Variants in PLPPR5 observed in about 807,000 individuals in gnomAD.
PLPPR5 encodes phospholipid phosphatase related 5, also known as phospholipid phosphatase-related protein type 5.
Under a neutral mutation model 33.9 loss-of-function variants are expected in PLPPR5, and 16 were observed. The ratio of observed to expected loss-of-function variants is 0.47; its 90% CI spans 0.32 to 0.72. PLPPR5 has a LOEUF of 0.72. Ranked by LOEUF, PLPPR5 falls within the 30% of genes least tolerant of loss-of-function variation. The pLI is 0.03. For missense variants in PLPPR5, 301 were observed against 406.7 expected (o/e 0.74, Z 2.23); for synonymous variants, 163 against 150.3 (o/e 1.08, Z -0.62).
chr1:99,005,771 C>G (rs369079124), upstream of PLPPR5, among the ~76,000 whole-genome samples: 312 of 152,302 alleles, frequency 2.0e-3, 5 homozygotes, highest in South Asian at 0.013. Flanking sequence ...AATGCTGGCT[C>G]ACAGCACATG....
In PLPPR5 at chr1:98,902,805, T is replaced by A. The variant is rs550512631; in HGVS notation, c.934-9701A>T. ...CCTTAACTAATGACTGAATGAATCA[T>A]ATAATTTAAAGATACAGTCATCAAT... On this transcript the variant is annotated intron_variant, in intron 5 of 5. Transcript: ENST00000263177. 5.9e-5 allele frequency among the ~76,000 whole-genome samples: 9 copies of A among 152,266 alleles called. No individual in the cohort carries two copies. The East Asian group carries it at 1.7e-3, about 29-fold the overall frequency.
In PLPPR5 at chr1:98,890,648, T is replaced by C. The variant is rs1209464761; in HGVS notation, c.*2424A>G. 1 of 152,594 alleles carries C rather than the reference T, an allele frequency of 6.6e-6. No homozygotes were observed. The highest frequency in any genetic ancestry group is 1.5e-5 in the Non-Finnish European group (1 of 68,006). The allele number at this position is 152,594 out of a possible 1,614,324, so 9.5% of individuals were successfully genotyped here. On this transcript the variant is annotated 3_prime_UTR_variant, in exon 6 of 6. Coordinates refer to ENST00000263177, the MANE Select transcript of PLPPR5 (RefSeq NM_001037317.2). ...GCTTTTACTAGACTACATATGTACA[T>C]ATTTACATGGTAATATTTTCTGAAA... is the stretch of plus-strand genomic sequence containing the variant.
chr1:98,908,151 C>T (rs1272795001), intron 5 of PLPPR5, among the ~76,000 whole-genome samples: 2 of 152,170 alleles, frequency 1.3e-5, no homozygotes, highest in Admixed American at 6.5e-5. Flanking sequence ...GAGATTGCTC[C>T]TAGCTGCCAT....
At chr1:98,911,699 C>T (rs377315299) in intron 5 of PLPPR5, among the ~76,000 whole-genome samples, 21 of 152,078 alleles carry the variant, frequency 1.4e-4, no homozygotes, top group African/African-American at 4.3e-4. Context: ...GTAATAGTTA[C>T]CCTGACCATA....
At chr1:98,988,690 C>A (rs1652345064) in intron 1 of PLPPR5, among the ~76,000 whole-genome samples, 1 of 152,096 alleles carries the variant, frequency 6.6e-6, no homozygotes, top group Admixed American at 6.6e-5. Context: ...TAAATTAGGA[C>A]AAGAAGTTGA....
Position 98,907,960 on chromosome 1 carries a change from G to T in PLPPR5, c.933+6826C>A, listed in dbSNP as rs60339429. 4.6e-5 allele frequency among the ~76,000 whole-genome samples: 7 copies of T among 152,282 alleles called. 1 individual carries two copies. In the South Asian group the frequency reaches 1.5e-3, roughly 32 times the overall value. ...CATCCAGGTGTGGGGTACCTATCCA[G>T]TTCACAAAAGGTTTCCTTCATCTGG... On this transcript the variant is annotated intron_variant, in intron 5 of 5. Transcript: ENST00000263177.
rs1648264064 is a variant in PLPPR5 at position 98,891,272 on chromosome 1, T to C, written c.*1800A>G. 6.6e-6 allele frequency: 1 copy of C among 152,124 alleles called. No homozygotes were observed. Among genetic ancestry groups the C allele is most frequent in the South Asian group, 2.1e-4 (1 of 4,832 alleles). 9.4% of individuals were successfully genotyped at this position (152,124 alleles called of 1,614,324 possible). On this transcript the variant is annotated 3_prime_UTR_variant, in exon 6 of 6. Transcript: ENST00000263177. ...AGAAGTGTTTTAGCTTCCACAGTGA[T>C]AGAAATGGGCAAATAACATCTATTT...
chr1:98,892,976 A>G lies in PLPPR5; in HGVS notation c.*96T>C. The G allele has an allele frequency of 8.4e-7, 1 of 1,197,588 alleles. No homozygotes were observed. The highest frequency in any genetic ancestry group is 1.2e-6 in the Non-Finnish European group (1 of 825,818). The allele number at this position is 1,197,588 out of a possible 1,614,324, so 74.2% of individuals were successfully genotyped here. ...ATTATAAAAATTATTAAACAACTTTATAAACTTCACTTGCAATCAAACAAA... is the reference window on the plus strand; with the variant it reads ...ATTATAAAAATTATTAAACAACTTTGTAAACTTCACTTGCAATCAAACAAA... On this transcript the variant is annotated 3_prime_UTR_variant, in exon 6 of 6. Coordinates refer to ENST00000263177, the MANE Select transcript of PLPPR5 (RefSeq NM_001037317.2).
Position 98,934,247 on chromosome 1 carries a change from G to A in PLPPR5, c.622-12189C>T, listed in dbSNP as rs145487656. Among the ~76,000 whole-genome samples, 641 of 152,272 alleles carry A rather than the reference G, an allele frequency of 4.2e-3. 1 individual carries two copies. Among genetic ancestry groups the A allele is most frequent in the Non-Finnish European group, 7.1e-3 (481 of 68,010 alleles). On this transcript the variant is annotated intron_variant, in intron 3 of 5. Coordinates refer to ENST00000263177, the MANE Select transcript of PLPPR5 (RefSeq NM_001037317.2). Reference sequence around the variant, plus strand: ...ATAGGACATATAGTGAGGGAGCAGAGCAGGCATGTGCTTGCTGATAGGTAG... The same window carrying A: ...ATAGGACATATAGTGAGGGAGCAGAACAGGCATGTGCTTGCTGATAGGTAG...
At chr1:98,927,371 C>T (rs1188005906) in intron 3 of PLPPR5, among the ~76,000 whole-genome samples, 1 of 152,226 alleles carries the variant, frequency 6.6e-6, no homozygotes, top group Non-Finnish European at 1.5e-5. Context: ...CCTTCACTGG[C>T]CTCCACTGCC....
At chr1:99,000,875 T>C (rs139454194) in intron 1 of PLPPR5, among the ~76,000 whole-genome samples, 1 of 152,294 alleles carries the variant, frequency 6.6e-6, no homozygotes, top group Non-Finnish European at 1.5e-5. Context: ...ACTTCTGAAG[T>C]TGCCTTTATA....
chr1:98,938,890 C>G (rs1386919111), intron 3 of PLPPR5, among the ~76,000 whole-genome samples: 2 of 152,084 alleles, frequency 1.3e-5, no homozygotes, highest in African/African-American at 4.8e-5. Context: ...AAACCAAAAC[C>G]AAATACCACA....
At chr1:98,925,453 A>T (rs2101167323) in intron 3 of PLPPR5, among the ~76,000 whole-genome samples, 1 of 152,326 alleles carries the variant, frequency 6.6e-6, no homozygotes, top group South Asian at 2.1e-4. Context: ...CCCTGTTAAG[A>T]GCCTGGTGTA....
chr1:98,941,394 G>A (rs560303073), intron 3 of PLPPR5, among the ~76,000 whole-genome samples: 1 of 151,914 alleles, frequency 6.6e-6, no homozygotes, highest in East Asian at 1.9e-4. Flanking sequence ...AGGAGAGTGA[G>A]TGTGCATATG....
chr1:98,955,842 T>A (rs1288938037), intron 2 of PLPPR5, among the ~76,000 whole-genome samples: 1 of 152,142 alleles, frequency 6.6e-6, no homozygotes, highest in Non-Finnish European at 1.5e-5. Context: ...CATATACACT[T>A]ATTTTTATCT....
At chr1:98,937,238 T>C (rs1400070690) in intron 3 of PLPPR5, among the ~76,000 whole-genome samples, 2 of 152,174 alleles carry the variant, frequency 1.3e-5, no homozygotes, top group Non-Finnish European at 2.9e-5. Context: ...TTCTAAGCAG[T>C]GTCAGTGATA....
At chr1:98,952,974 T>G in intron 3 of PLPPR5, 96 bp downstream of exon 3, 10 of 1,432,818 alleles carry the variant, frequency 7.0e-6, no homozygotes, top group Non-Finnish European at 9.5e-6. Context: ...GAATGTGCTT[T>G]AAGTGACTTT....
At chr1:98,957,063 AT>A (rs1350857196) in intron 1 of PLPPR5, among the ~76,000 whole-genome samples, 1 of 151,824 alleles carries the variant, frequency 6.6e-6, no homozygotes, top group African/African-American at 2.4e-5. Flanking sequence ...GGAAATCATC[AT>A]TCTCAGTAAA....
chr1:98,891,103 A>G lies in PLPPR5; in HGVS notation c.*1969T>C, dbSNP rs1053400498. 1 of 152,108 alleles carries G rather than the reference A, an allele frequency of 6.6e-6. No homozygotes were observed. Among genetic ancestry groups the G allele is most frequent in the African/African-American group, 2.4e-5 (1 of 41,424 alleles). The allele number at this position is 152,108 out of a possible 1,614,324, so 9.4% of individuals were successfully genotyped here. A position where few individuals can be genotyped will look rare whatever the true frequency, so the allele number is the denominator to read the frequency against. The stretch of plus-strand genomic sequence containing the variant: ...TTCATTCTCAATAAGTGAATTCCCT[A>G]TTACTGTTATTGCCTAAAAAATCTT... On this transcript the variant is annotated 3_prime_UTR_variant, in exon 6 of 6. Transcript: ENST00000263177.
Sources: allele counts gnomAD v4.1 joint callset (sites outside exome capture counted in the v4.1 genomes callset), GRCh38; gene constraint gnomAD v4.1.1; transcripts MANE v1.5; gene names NCBI Gene and HGNC (gene_info 2026-07-23, HGNC 2026-07-21).